The following ANO4 variants were observed in gnomAD, a reference collection of about 807,000 sequenced individuals.
The protein encoded by ANO4 is anoctamin 4, also known as anoctamin-4.
ANO4 carries 69 observed loss-of-function variants against 141.9 expected under a neutral mutation model. The ratio of observed to expected loss-of-function variants is 0.49; its 90% CI spans 0.40 to 0.59. ANO4 has a LOEUF of 0.59. ANO4 is among the 20% of genes least tolerant of loss of function. The probability of loss-of-function intolerance (pLI) is 0.00; values close to 1 mark genes in which losing one functional copy is unlikely to be tolerated. For missense variants in ANO4, 894 were observed against 1,162.2 expected, an observed-to-expected ratio of 0.77 and a Z score of 3.36; for synonymous variants, 350 against 394.3, an observed-to-expected ratio of 0.89 and a Z score of 1.33.
chr12:100,803,984 G>A (rs187133546), intron 1 of ANO4, among the ~76,000 whole-genome samples: 120 of 151,664 alleles, frequency 7.9e-4, no homozygotes, highest in African/African-American at 2.7e-3. Flanking sequence ...CTGCGGTAAT[G>A]TGCAGGATGT....
intron 3 of ANO4, among the ~76,000 whole-genome samples, chr12:100,755,201 G>A (rs916919898): frequency 9.2e-5 from 14 of 152,094 alleles, no homozygotes; most frequent in African/African-American, 3.4e-4. Flanking sequence ...TTGCTCTCAA[G>A]CATCCTGCAT....
intron 1 of ANO4, among the ~76,000 whole-genome samples, chr12:100,727,487 C>T (rs1338919064): frequency 6.6e-6 from 1 of 151,986 alleles, no homozygotes; most frequent in Non-Finnish European, 1.5e-5. Flanking sequence ...ATATAGGTAC[C>T]CTGGCTTTAT....
chr12:100,963,428 T>C (rs1198532740), intron 5 of ANO4, among the ~76,000 whole-genome samples: 1 of 152,042 alleles, frequency 6.6e-6, no homozygotes, highest in African/African-American at 2.4e-5. Context: ...AATATTGTAA[T>C]CATTTAGGAA....
At chr12:100,811,843 A>G in intron 1 of ANO4, among the ~76,000 whole-genome samples, 1 of 152,172 alleles carries the variant, frequency 6.6e-6, no homozygotes, top group East Asian at 1.9e-4. Context: ...AGCCAGAGTG[A>G]TGGATAAGAT....
intron 8 of ANO4, among the ~76,000 whole-genome samples, chr12:101,003,922 C>G (rs2136414747): frequency 6.6e-6 from 1 of 152,122 alleles, no homozygotes; most frequent in East Asian, 1.9e-4. Context: ...ACACTTGAAA[C>G]TGGAATATTT....
At chr12:101,118,140 G>A (rs1053118430) in intron 25 of ANO4, among the ~76,000 whole-genome samples, 9 of 152,004 alleles carry the variant, frequency 5.9e-5, no homozygotes, top group Admixed American at 3.3e-4. Flanking sequence ...AGACCATTTC[G>A]TACATGAAAT....
At chr12:101,019,092 G>GTGAC (rs1306654638) in intron 8 of ANO4, among the ~76,000 whole-genome samples, 2 of 152,132 alleles carry the variant, frequency 1.3e-5, no homozygotes, top group South Asian at 2.1e-4. Context: ...GCTGGAGGAG[G>GTGAC]TGACTTCTGA....
At chr12:100,748,302 G>A (rs1415849080) in intron 3 of ANO4, among the ~76,000 whole-genome samples, 1 of 152,232 alleles carries the variant, frequency 6.6e-6, no homozygotes. Context: ...GCCGCAGACA[G>A]TGACCCTGCA....
intron 1 of ANO4, among the ~76,000 whole-genome samples, chr12:100,732,377 T>A (rs954562247): frequency 7.0e-6 from 1 of 141,940 alleles, no homozygotes; most frequent in African/African-American, 2.5e-5. Context: ...TCTTTGGTGA[T>A]GTGTCTGTAA....
chr12:100,965,692 G>T (rs2043623141), intron 5 of ANO4, among the ~76,000 whole-genome samples: 1 of 151,542 alleles, frequency 6.6e-6, no homozygotes, highest in Non-Finnish European at 1.5e-5. Context: ...TGTTTCTTCT[G>T]CTTGGAATGC....
At chr12:100,962,749 G>A (rs1010635065) in intron 5 of ANO4, among the ~76,000 whole-genome samples, 5 of 152,150 alleles carry the variant, frequency 3.3e-5, no homozygotes, top group Non-Finnish European at 5.9e-5. Flanking sequence ...TCTTCAAAGC[G>A]AGCAGGAGAA....
At chr12:100,976,403 C>G (rs1487983207) in intron 7 of ANO4, among the ~76,000 whole-genome samples, 1 of 152,188 alleles carries the variant, frequency 6.6e-6, no homozygotes, top group Non-Finnish European at 1.5e-5. Flanking sequence ...ATTGGCAGTT[C>G]TTTCATTAAG....
chr12:101,104,595 G>A (rs1235972611), intron 22 of ANO4, among the ~76,000 whole-genome samples: 10 of 63,802 alleles, frequency 1.6e-4, no homozygotes, highest in African/African-American at 2.4e-4. Context: ...ATATATATAT[G>A]TGTGTGTGTG....
intron 1 of ANO4, among the ~76,000 whole-genome samples, chr12:100,847,128 A>C (rs2135833809): frequency 6.6e-6 from 1 of 152,306 alleles, no homozygotes; most frequent in African/African-American, 2.4e-5. Context: ...TGTTTTTACC[A>C]GTATGTGAAG....
intron 3 of ANO4, among the ~76,000 whole-genome samples, chr12:100,936,684 C>G (rs1353312485): frequency 6.6e-6 from 1 of 152,138 alleles, no homozygotes; most frequent in Admixed American, 6.6e-5. Flanking sequence ...CTCATAACAA[C>G]CATTCCAACT....
intron 1 of ANO4, among the ~76,000 whole-genome samples, chr12:100,728,916 G>A (rs1193067929): frequency 6.6e-6 from 1 of 151,992 alleles, no homozygotes; most frequent in Admixed American, 6.6e-5. Context: ...CACCACCTCG[G>A]TTAAGAAACA....
chr12:100,914,119 G>A (rs2041232743), intron 2 of ANO4, among the ~76,000 whole-genome samples: 1 of 152,142 alleles, frequency 6.6e-6, no homozygotes, highest in African/African-American at 2.4e-5. Context: ...CTTGCTATTT[G>A]AAGCTTTGCA....
intron 1 of ANO4, among the ~76,000 whole-genome samples, chr12:100,805,762 A>G (rs2034979774): frequency 6.6e-6 from 1 of 152,104 alleles, no homozygotes; most frequent in Non-Finnish European, 1.5e-5. Context: ...ATTTTAGGGT[A>G]AATCTTTTTG....
At chr12:100,832,850 T>A (rs2036700953) in intron 1 of ANO4, among the ~76,000 whole-genome samples, 1 of 152,024 alleles carries the variant, frequency 6.6e-6, no homozygotes, top group Admixed American at 6.6e-5. Context: ...GAAAACATGG[T>A]TTCAATCATT....
Sources: gnomAD v4.1 joint callset for allele counts (sites outside exome capture counted in the v4.1 genomes callset) on GRCh38, gnomAD v4.1.1 for gene constraint, MANE v1.5 for transcripts, NCBI Gene and HGNC (gene_info 2026-07-23, HGNC 2026-07-21) for gene names.